ALDH16A1: variants seen among roughly 807,000 people sequenced by gnomAD.
ALDH16A1 encodes aldehyde dehydrogenase 16 family member A1.
In ALDH16A1, 88 loss-of-function variants were observed where a neutral mutation model predicts 96.1. The ratio of observed to expected loss-of-function variants is 0.92; its 90% CI spans 0.77 to 1.09. The LOEUF (loss-of-function observed/expected upper bound fraction) is 1.09. Ranked by LOEUF, ALDH16A1 falls within the 50% of genes least tolerant of loss-of-function variation. The pLI, the probability that ALDH16A1 is intolerant of heterozygous loss-of-function variation, is 0.00. For synonymous variants in ALDH16A1, 522 were observed against 496.4 expected, an observed-to-expected ratio of 1.05 and a Z score of -0.69; for missense variants, 1,250 against 1,112.6, an observed-to-expected ratio of 1.12 and a Z score of -1.76.
In ALDH16A1 at chr19:49,468,357, C is replaced by A; in HGVS notation, c.1939-24C>A. 1 of 1,594,772 alleles carries A rather than the reference C, an allele frequency of 6.3e-7. No homozygotes were observed. Among genetic ancestry groups the A allele is most frequent in the South Asian group, 1.1e-5 (1 of 90,702 alleles). On this transcript the variant is annotated intron_variant, in intron 14 of 16. Coordinates refer to ENST00000293350, the MANE Select transcript of ALDH16A1 (RefSeq NM_153329.4). The surrounding 1 kb of genome is among the most constrained non-coding windows in gnomAD (Gnocchi z 4.4). The stretch of plus-strand genomic sequence containing the variant: ...CTGCGGGCGGGGCTCCCCTGCCCCA[C>A]ACGTGACCCACCTGTCCCTGCAGGT...
At position 49,461,739 on chromosome 19, in the gene ALDH16A1, T is replaced by A. The variant is rs1281555938; in HGVS notation, c.698T>A (p.Leu233Gln). 3 of 1,610,034 alleles carry A rather than the reference T, an allele frequency of 1.9e-6. No homozygotes were observed. In the East Asian group the frequency reaches 6.7e-5, roughly 36 times the overall value. The change falls in exon 6 of 17, where the codon CTG becomes CAG. Residue 233 changes from leucine to glutamine, a missense_variant. Physicochemically the swap from Leu to Gln is moderately radical, Grantham distance 113. Transcript: ENST00000293350. ...ILNVLSGPAS[L>Q]VPILASQPGI... ...AATGTCCTCAGTGGCCCTGCGTCCC[T>A]GGTGCCCATCCTGGCCTCCCAGCCT...
At chr19:49,462,543 A>C in intron 7 of ALDH16A1, 27 bp from the exon 8 acceptor site, 1 of 1,606,798 alleles carries the variant, frequency 6.2e-7, no homozygotes, top group Non-Finnish European at 8.5e-7. Flanking sequence ...CAATGGTGTG[A>C]TCTCCTGATG....
intron 1 of ALDH16A1, 50 bp downstream of exon 1, chr19:49,453,471 C>A: frequency 6.8e-7 from 1 of 1,470,170 alleles, no homozygotes; most frequent in Non-Finnish European, 9.1e-7. Flanking sequence ...CAGGCCTGGG[C>A]GCCCGGTTTT....
intron 6 of ALDH16A1, 41 bp downstream of exon 6, chr19:49,461,841 G>C (rs1383470314): frequency 2.5e-6 from 4 of 1,600,190 alleles, no homozygotes; most frequent in Non-Finnish European, 3.4e-6. Context: ...GCGGCTGGGG[G>C]CCGCAAGGCT....
intron 16 of ALDH16A1, 164 bp downstream of exon 16, chr19:49,469,150 G>A (rs955326781): frequency 4.7e-6 from 5 of 1,063,818 alleles, no homozygotes; most frequent in Non-Finnish European, 6.6e-6. Context: ...AGTTACTAAG[G>A]AAGAGGCTGT....
At position 49,459,249 on chromosome 19, in the gene ALDH16A1, G is replaced by A. The variant is rs549655201; in HGVS notation, c.320+163G>A. ...GCAGTCGTGGCTGAAACATGCATCCGTTGTCCACTATTCACTGGGACTAGA... is the reference window on the plus strand; with the variant it reads ...GCAGTCGTGGCTGAAACATGCATCCATTGTCCACTATTCACTGGGACTAGA... On this transcript the variant is annotated intron_variant, in intron 3 of 16. Transcript: ENST00000293350. This position sits in a 1 kb window ranked among gnomAD's most constrained non-coding sequence, Gnocchi z 4.1. Among the ~76,000 whole-genome samples the A allele has an allele frequency of 3.9e-5, 6 of 152,336 alleles. No homozygotes were observed. The highest frequency in any genetic ancestry group is 3.9e-4 in the East Asian group (2 of 5,188).
chr19:49,465,672 G>A lies in ALDH16A1; in HGVS notation c.1569-66G>A, dbSNP rs144822561. On this transcript the variant is annotated intron_variant, in intron 12 of 16. Transcript: ENST00000293350. Reference sequence around the variant, plus strand: ...GGAGCCAAGGCAGTCTTCCCAGTGCGGTAGAGCATAGGGTCTGAGCAGATT... The same window carrying A: ...GGAGCCAAGGCAGTCTTCCCAGTGCAGTAGAGCATAGGGTCTGAGCAGATT... 2.8e-5 allele frequency: 43 copies of A among 1,520,616 alleles called. 1 individual carries two copies. Among genetic ancestry groups the A allele is most frequent in the African/African-American group, 1.4e-4 (10 of 72,376 alleles). 94.2% of individuals were successfully genotyped at this position (1,520,616 alleles called of 1,614,324 possible).
At chr19:49,462,831 G>A (rs2079162782) in intron 8 of ALDH16A1, 76 bp downstream of exon 8, 1 of 1,383,330 alleles carries the variant, frequency 7.2e-7, no homozygotes, top group African/African-American at 1.5e-5. Context: ...TCCAAGGGAG[G>A]AGGGAGCTGG....
rs2079240741 is a variant in ALDH16A1 at position 49,470,899 on chromosome 19, C to T, written c.*432C>T. On this transcript the variant is annotated 3_prime_UTR_variant, in exon 17 of 17. Coordinates refer to ENST00000293350, the MANE Select transcript of ALDH16A1 (RefSeq NM_153329.4). Reference sequence around the variant, plus strand: ...TTTGTGAAACAGAGAAAGGGGACCCCCGAGGACCCCAGACAGGGCCTTAGG... The same window carrying T: ...TTTGTGAAACAGAGAAAGGGGACCCTCGAGGACCCCAGACAGGGCCTTAGG... The T allele has an allele frequency of 6.4e-6, 1 of 155,330 alleles. No homozygotes were observed. Among genetic ancestry groups the T allele is most frequent in the Admixed American group, 6.5e-5 (1 of 15,440 alleles). 9.6% of individuals were successfully genotyped at this position (155,330 alleles called of 1,614,324 possible). A position where few individuals can be genotyped will look rare whatever the true frequency, so the allele number is the denominator to read the frequency against.
intron 14 of ALDH16A1, among the ~76,000 whole-genome samples, chr19:49,467,959 C>G (rs2122423269): frequency 6.6e-6 from 1 of 151,320 alleles, no homozygotes; most frequent in Admixed American, 6.6e-5. Flanking sequence ...TCGAGACCAT[C>G]CTGGCTAACA....
chr19:49,464,628 A>C lies in ALDH16A1; in HGVS notation c.1438-4A>C. 6.2e-7 allele frequency: 1 copy of C among 1,613,596 alleles called. No homozygotes were observed. The highest frequency in any genetic ancestry group is 8.5e-7 in the Non-Finnish European group (1 of 1,179,854). Reference sequence around the variant, plus strand: ...GCATCCTCTTGACACCGTCCCTCTCACAGGGGCTGTATGAGTATCTGCGGC... The same window carrying C: ...GCATCCTCTTGACACCGTCCCTCTCCCAGGGGCTGTATGAGTATCTGCGGC... On this transcript the variant is annotated splice_region_variant and splice_polypyrimidine_tract_variant and intron_variant, in intron 11 of 16. Coordinates refer to ENST00000293350, the MANE Select transcript of ALDH16A1 (RefSeq NM_153329.4).
chr19:49,454,620 C>T (rs2079093925), intron 1 of ALDH16A1, among the ~76,000 whole-genome samples: 1 of 152,192 alleles, frequency 6.6e-6, no homozygotes, highest in Non-Finnish European at 1.5e-5. Flanking sequence ...CATGATCCCC[C>T]AGGGTCCCCC....
intron 1 of ALDH16A1, among the ~76,000 whole-genome samples, chr19:49,457,616 T>A (rs1057251959): frequency 1.4e-4 from 21 of 150,274 alleles, no homozygotes; most frequent in African/African-American, 4.6e-4. Flanking sequence ...GGTAAAAAAA[T>A]TTTTTTTCTT....
intron 5 of ALDH16A1, 88 bp downstream of exon 5, chr19:49,460,987 G>C: frequency 1.4e-6 from 2 of 1,411,704 alleles, no homozygotes; most frequent in South Asian, 2.3e-5. Flanking sequence ...AGAGACAAGG[G>C]GGCTGGAGGC....
intron 7 of ALDH16A1, among the ~76,000 whole-genome samples, 181 bp from the exon 8 acceptor site, chr19:49,462,389 C>T (rs2079157881): frequency 6.6e-6 from 1 of 152,196 alleles, no homozygotes; most frequent in Non-Finnish European, 1.5e-5. Flanking sequence ...CCCACCTCGG[C>T]CTCCCAAAGT....
At position 49,468,808 on chromosome 19, in the gene ALDH16A1, C is replaced by A; in HGVS notation, c.2125-56C>A. The stretch of plus-strand genomic sequence containing the variant: ...CTCCCATGGGCACCCCCTGAATGCC[C>A]ACTCCTTGCCCTGCCCCCACGGCCT... On this transcript the variant is annotated intron_variant, in intron 15 of 16. Coordinates refer to ENST00000293350, the MANE Select transcript of ALDH16A1 (RefSeq NM_153329.4). The surrounding 1 kb of genome is among the most constrained non-coding windows in gnomAD (Gnocchi z 4.4). 1 of 1,579,938 alleles carries A rather than the reference C, an allele frequency of 6.3e-7. No homozygotes were observed. The highest frequency in any genetic ancestry group is 1.1e-5 in the South Asian group (1 of 88,120).
rs1346977987 is a variant in ALDH16A1, at chr19:49,464,271, T to C, written c.1331+8T>C. ...GCTGGAGCTGGGCTATGGGTCAGTC[T>C]GCGTGGCCCGGGCGCTCACTCCTCT... On this transcript the variant is annotated splice_region_variant and intron_variant, in intron 10 of 16. Transcript: ENST00000293350. 4.4e-6 allele frequency: 7 copies of C among 1,600,162 alleles called. No homozygotes were observed. The highest frequency in any genetic ancestry group is 4.0e-5 in the African/African-American group (3 of 74,852).
In ALDH16A1 at chr19:49,468,305, A is replaced by G. The variant is rs1406545585; in HGVS notation, c.1939-76A>G. 1.9e-5 allele frequency: 28 copies of G among 1,464,368 alleles called. No individual in the cohort carries two copies. The highest frequency in any genetic ancestry group is 2.4e-5 in the Non-Finnish European group (26 of 1,080,876). 90.7% of individuals were successfully genotyped at this position (1,464,368 alleles called of 1,614,324 possible). ...GGGCCAACACCAAGTGTTGGGGAGA[A>G]TGTAGAGGAACTGGATCTCTCATTT... is the stretch of plus-strand genomic sequence containing the variant. On this transcript the variant is annotated intron_variant, in intron 14 of 16. Coordinates refer to ENST00000293350, the MANE Select transcript of ALDH16A1 (RefSeq NM_153329.4). This position sits in a 1 kb window ranked among gnomAD's most constrained non-coding sequence, Gnocchi z 4.4.
rs541617108 is a variant in ALDH16A1 at position 49,468,718 on chromosome 19, G to T, written c.2125-146G>T. ...AGCACCCAAACCTTCACTCCTTGGG[G>T]ACCCAGTGCCCATTCTTCACCCTAG... On this transcript the variant is annotated intron_variant, in intron 15 of 16. Coordinates refer to ENST00000293350, the MANE Select transcript of ALDH16A1 (RefSeq NM_153329.4). This position sits in a 1 kb window ranked among gnomAD's most constrained non-coding sequence, Gnocchi z 4.4. 7.4e-7 allele frequency: 1 copy of T among 1,347,974 alleles called. No homozygotes were observed. Among genetic ancestry groups the T allele is most frequent in the African/African-American group, 1.4e-5 (1 of 69,140 alleles). 83.5% of individuals were successfully genotyped at this position (1,347,974 alleles called of 1,614,324 possible). A position where few individuals can be genotyped will look rare whatever the true frequency, so the allele number is the denominator to read the frequency against.
Sources: allele counts gnomAD v4.1 joint callset (sites outside exome capture counted in the v4.1 genomes callset), GRCh38; gene constraint gnomAD v4.1.1; non-coding constraint Gnocchi (gnomAD v3.1); transcripts MANE v1.5; gene names NCBI Gene and HGNC (gene_info 2026-07-23, HGNC 2026-07-21).